ZEB2: variants seen among roughly 807,000 people sequenced by gnomAD.
The protein encoded by ZEB2 is zinc finger E-box binding homeobox 2, also known as zinc finger E-box-binding homeobox 2.
A neutral mutation model predicts 99.9 loss-of-function variants in ZEB2; 6 were observed. The ratio of observed to expected loss-of-function variants is 0.06; its 90% CI spans 0.03 to 0.12. ZEB2 has a LOEUF of 0.12. Ranked by LOEUF, ZEB2 falls within the 10% of genes least tolerant of loss-of-function variation. The pLI is 1.00. For synonymous variants in ZEB2, 517 were observed against 542.5 expected, an observed-to-expected ratio of 0.95 and a Z score of 0.65; for missense variants, 969 against 1,502.8, an observed-to-expected ratio of 0.64 and a Z score of 5.87.
chr2:144,484,725 G>A (rs1293013152), intron 2 of ZEB2, among the ~76,000 whole-genome samples: 1 of 151,998 alleles, frequency 6.6e-6, no homozygotes, highest in Non-Finnish European at 1.5e-5. Context: ...CCCTCTCTAT[G>A]GTGCCAAAAT....
chr2:144,424,997 C>T (rs1703672831), intron 3 of ZEB2, 130 bp from the exon 4 acceptor site: 1 of 917,448 alleles, frequency 1.1e-6, no homozygotes, highest in East Asian at 2.6e-5. Flanking sequence ...GACCTCTAAA[C>T]AATAGCTTTG....
intron 9 of ZEB2, among the ~76,000 whole-genome samples, chr2:144,394,903 T>C (rs1703200903): frequency 6.6e-6 from 1 of 151,968 alleles, no homozygotes; most frequent in African/African-American, 2.4e-5. Flanking sequence ...GTACGAGTAC[T>C]TCCCAAGGAC....
rs1462624641 is a variant in ZEB2 at position 144,385,844 on chromosome 2, A to G, written c.*3607T>C. On this transcript the variant is annotated 3_prime_UTR_variant, in exon 10 of 10. Transcript: ENST00000627532. ...AAATGACCTTTTTAAAAGTTATCTG[A>G]TTGTGAAAAGTATCTAATACATTTA... 1 of 152,188 alleles carries G rather than the reference A, an allele frequency of 6.6e-6. No individual in the cohort carries two copies. The highest frequency in any genetic ancestry group is 1.5e-5 in the Non-Finnish European group (1 of 68,020). 9.4% of individuals were successfully genotyped at this position (152,188 alleles called of 1,614,324 possible). A position where few individuals can be genotyped will look rare whatever the true frequency, so the allele number is the denominator to read the frequency against.
At chr2:144,440,511 A>AT (rs1703897108) in intron 2 of ZEB2, among the ~76,000 whole-genome samples, 5 of 30,254 alleles carry the variant, frequency 1.7e-4, no homozygotes, top group African/African-American at 5.3e-4. Context: ...ATATATATAT[A>AT]TATATTTTTT....
intron 2 of ZEB2, chr2:144,496,254 G>A (rs968983628): frequency 1.3e-5 from 2 of 152,206 alleles, no homozygotes; most frequent in Non-Finnish European, 2.9e-5. Context: ...ATAAGGCCGA[G>A]GAAGGCCTTA....
chr2:144,463,328 A>G (rs539657233), intron 2 of ZEB2: 1 of 152,268 alleles, frequency 6.6e-6, no homozygotes, highest in African/African-American at 2.4e-5. Context: ...AACGAGATCT[A>G]ATTGGGAATA....
chr2:144,417,995 C>T (rs1333653998), intron 4 of ZEB2, among the ~76,000 whole-genome samples: 5 of 152,068 alleles, frequency 3.3e-5, no homozygotes, highest in African/African-American at 4.8e-5. Context: ...AAAAAGAATA[C>T]GATTCCTGAT....
At chr2:144,403,783 A>G (rs1703344798) in intron 6 of ZEB2, 133 bp downstream of exon 6, 3 of 1,140,064 alleles carry the variant, frequency 2.6e-6, no homozygotes, top group South Asian at 2.6e-5. Flanking sequence ...TTAGACCTCA[A>G]TTAAAGCTAT....
rs150318233 is a variant in ZEB2, at chr2:144,508,689, A to C, written c.73+8589T>G. Among the ~76,000 whole-genome samples the C allele has an allele frequency of 7.5e-4, 113 of 151,432 alleles. 3 individuals are homozygous for C. The East Asian group carries it at 0.021, about 29-fold the overall frequency. On this transcript the variant is annotated intron_variant, in intron 2 of 9. Coordinates refer to ENST00000627532, the MANE Select transcript of ZEB2 (RefSeq NM_014795.4). ...AGGCCCTGACTCTGAGGTTCACATG[A>C]CCTCCCAGGTTTGGACAGATAGGCA...
intron 2 of ZEB2, chr2:144,464,452 T>C (rs547096730): frequency 2.0e-5 from 3 of 152,206 alleles, no homozygotes; most frequent in Non-Finnish European, 4.4e-5. Context: ...TAAATCAAAG[T>C]CTACTAATTA....
chr2:144,424,346 A>G (rs761884986), intron 4 of ZEB2: 3 of 518,710 alleles, frequency 5.8e-6, no homozygotes, highest in Non-Finnish European at 1.2e-5. Flanking sequence ...TTAATTATTG[A>G]GAGAAATGTT....
intron 9 of ZEB2, among the ~76,000 whole-genome samples, chr2:144,391,917 T>C (rs79222559): frequency 3.9e-5 from 6 of 152,192 alleles, no homozygotes; most frequent in Non-Finnish European, 8.8e-5. Context: ...GGAAGATCAT[T>C]TGGGGACCTA....
chr2:144,513,899 C>T, intron 2 of ZEB2: 3 of 1,505,946 alleles, frequency 2.0e-6, no homozygotes, highest in Middle Eastern at 1.7e-4. Context: ...GTGAGTCAGG[C>T]GACTGAGGAT....
At chr2:144,481,216 G>C (rs1446547820) in intron 2 of ZEB2, among the ~76,000 whole-genome samples, 1 of 152,210 alleles carries the variant, frequency 6.6e-6, no homozygotes, top group Non-Finnish European at 1.5e-5. Context: ...ATTTGTGGCA[G>C]AGGGATTGTC....
At chr2:144,456,129 T>A (rs978621842) in intron 2 of ZEB2, among the ~76,000 whole-genome samples, 1 of 150,712 alleles carries the variant, frequency 6.6e-6, no homozygotes, top group East Asian at 1.9e-4. Context: ...TTTTTTTTTT[T>A]AAAGCATTTT....
At chr2:144,481,385 C>G (rs1244726470) in intron 2 of ZEB2, among the ~76,000 whole-genome samples, 2 of 152,154 alleles carry the variant, frequency 1.3e-5, no homozygotes, top group African/African-American at 2.4e-5. Flanking sequence ...TTTCTTGTGC[C>G]TGTTATGACT....
chr2:144,391,803 G>A (rs760313156), intron 9 of ZEB2, among the ~76,000 whole-genome samples: 1 of 152,218 alleles, frequency 6.6e-6, no homozygotes, highest in Non-Finnish European at 1.5e-5. Flanking sequence ...TTCATCCATA[G>A]GGGCAGTGTT....
chr2:144,416,761 G>A (rs550915924), intron 4 of ZEB2, among the ~76,000 whole-genome samples: 2 of 152,152 alleles, frequency 1.3e-5, no homozygotes, highest in East Asian at 3.9e-4. Flanking sequence ...GTGCACAGAG[G>A]CATACCCAGC....
intron 2 of ZEB2, among the ~76,000 whole-genome samples, chr2:144,481,654 T>A (rs1048096045): frequency 4.6e-5 from 7 of 152,226 alleles, no homozygotes; most frequent in African/African-American, 1.7e-4. Flanking sequence ...ATTTTTGATG[T>A]GAAAAATCTG....
Sources: gnomAD v4.1 joint callset for allele counts (sites outside exome capture counted in the v4.1 genomes callset) on GRCh38, gnomAD v4.1.1 for gene constraint, MANE v1.5 for transcripts, NCBI Gene and HGNC (gene_info 2026-07-23, HGNC 2026-07-21) for gene names.